Variants in ATP8B4 observed in about 807,000 individuals in gnomAD.
ATP8B4 encodes ATPase phospholipid transporting 8B4 (putative).
A neutral mutation model predicts 145.6 loss-of-function variants in ATP8B4; 133 were observed. The ratio of observed to expected loss-of-function variants is 0.91; its 90% CI spans 0.79 to 1.05. The LOEUF (loss-of-function observed/expected upper bound fraction) is 1.05. Ranked by LOEUF, ATP8B4 falls within the 50% of genes least tolerant of loss-of-function variation. The pLI is 0.00. For synonymous variants in ATP8B4, 507 were observed against 492.9 expected, an observed-to-expected ratio of 1.03 and a Z score of -0.38; for missense variants, 1,458 against 1,425.2, an observed-to-expected ratio of 1.02 and a Z score of -0.37.
chr15:50,002,988 C>G (rs1454489949), intron 7 of ATP8B4, among the ~76,000 whole-genome samples: 1 of 152,032 alleles, frequency 6.6e-6, no homozygotes, highest in Non-Finnish European at 1.5e-5. Flanking sequence ...TTTCAAAGCT[C>G]TAAACTTATT....
chr15:49,925,371 A>T (rs932898158), intron 16 of ATP8B4, among the ~76,000 whole-genome samples: 4 of 151,964 alleles, frequency 2.6e-5, no homozygotes, highest in African/African-American at 9.7e-5. Flanking sequence ...TTCTGTTGTG[A>T]CATCACATGT....
chr15:50,018,554 C>T (rs2049281890), intron 6 of ATP8B4, among the ~76,000 whole-genome samples: 1 of 152,156 alleles, frequency 6.6e-6, no homozygotes, highest in Non-Finnish European at 1.5e-5. Context: ...TTCCCGTCAA[C>T]AATGAAGAAT....
At chr15:49,925,244 C>A (rs1243473074) in intron 16 of ATP8B4, among the ~76,000 whole-genome samples, 3 of 142,888 alleles carry the variant, frequency 2.1e-5, no homozygotes, top group Non-Finnish European at 4.8e-5. Flanking sequence ...TATAAAAAAA[C>A]TATATTTTCC....
Position 49,858,844 on chromosome 15 carries a change from T to A in ATP8B4, c.*1350A>T, listed in dbSNP as rs976789369. 6 of 152,256 alleles carry A rather than the reference T, an allele frequency of 3.9e-5. No homozygotes were observed. Among genetic ancestry groups the A allele is most frequent in the African/African-American group, 1.4e-4 (6 of 41,466 alleles). The allele number at this position is 152,256 out of a possible 1,614,324, so 9.4% of individuals were successfully genotyped here. A position where few individuals can be genotyped will look rare whatever the true frequency, so the allele number is the denominator to read the frequency against. On this transcript the variant is annotated 3_prime_UTR_variant, in exon 28 of 28. Transcript: ENST00000284509. ...TCTTCCAATTGCTCTGTTATACTGATGTTGAGTTAACTGGAACTTAACTCA... is the reference window on the plus strand; with the variant it reads ...TCTTCCAATTGCTCTGTTATACTGAAGTTGAGTTAACTGGAACTTAACTCA...
intron 13 of ATP8B4, among the ~76,000 whole-genome samples, chr15:49,965,037 G>T (rs946337174): frequency 2.6e-5 from 4 of 152,112 alleles, no homozygotes; most frequent in Non-Finnish European, 2.9e-5. Flanking sequence ...TTAAGGAAAG[G>T]TTCTATGTTA....
intron 25 of ATP8B4, among the ~76,000 whole-genome samples, chr15:49,869,854 T>C (rs538881202): frequency 1.3e-5 from 2 of 152,278 alleles, no homozygotes; most frequent in South Asian, 4.1e-4. Context: ...TTAAAGTGTC[T>C]GTCATTTGGA....
rs187997933 is a variant in ATP8B4 at position 50,115,820 on chromosome 15, G to A, written c.-43+3303C>T. Among the ~76,000 whole-genome samples, 10 of 152,258 alleles carry A rather than the reference G, an allele frequency of 6.6e-5. No homozygotes were observed. The East Asian group carries it at 1.3e-3, about 21-fold the overall frequency. ...CAAAACTCTACGAGCAGGAATTACC[G>A]TTATCCCCATTTTATAGATAAGGTG... On this transcript the variant is annotated intron_variant, in intron 1 of 27. Coordinates refer to ENST00000284509, the MANE Select transcript of ATP8B4 (RefSeq NM_024837.4).
At position 49,879,456 on chromosome 15, in the gene ATP8B4, C is replaced by A. The variant is rs780339975; in HGVS notation, c.2701G>T (p.Val901Phe). The A allele has an allele frequency of 1.9e-6, 3 of 1,602,638 alleles. No homozygotes were observed. The East Asian group carries it at 6.7e-5, about 36-fold the overall frequency. The change falls in exon 24 of 28, where the codon GTT becomes TTT. Residue 901 changes from valine (V) to phenylalanine (F), a missense_variant. Transcript: ENST00000284509. ...AGGGTGATGAACCACTGGTCATAAA[C>A]AGTCTGAAAAGAAATATAACATATA... ...GFFCGFSAQTVYDQWFITLFN... is the reference protein window; with the variant it reads ...GFFCGFSAQTFYDQWFITLFN...
intron 15 of ATP8B4, among the ~76,000 whole-genome samples, chr15:49,932,326 T>C (rs1263515734): frequency 1.3e-5 from 2 of 151,886 alleles, no homozygotes; most frequent in Admixed American, 6.6e-5. Flanking sequence ...GTTACCTCTG[T>C]AGGGGTGAGA....
chr15:50,043,558 C>G (rs1223467586), intron 5 of ATP8B4, among the ~76,000 whole-genome samples: 2 of 152,158 alleles, frequency 1.3e-5, no homozygotes, highest in African/African-American at 4.8e-5. Flanking sequence ...AGAATGAAAA[C>G]CTTCATGATG....
intron 6 of ATP8B4, 94 bp from the exon 7 acceptor site, chr15:50,011,011 G>T (rs564485258): frequency 1.2e-6 from 1 of 828,666 alleles, no homozygotes; most frequent in East Asian, 3.3e-5. Flanking sequence ...ATATAACAGA[G>T]GAAGCAGGCA....
chr15:50,042,241 A>T (rs1475160035), intron 5 of ATP8B4, among the ~76,000 whole-genome samples: 3 of 152,192 alleles, frequency 2.0e-5, no homozygotes, highest in Admixed American at 6.5e-5. Flanking sequence ...TTAAGAAATG[A>T]AGAGTTATAT....
intron 8 of ATP8B4, among the ~76,000 whole-genome samples, chr15:49,997,998 C>T (rs914738358): frequency 6.6e-6 from 1 of 152,040 alleles, no homozygotes; most frequent in Admixed American, 6.6e-5. Flanking sequence ...GGCTAAAGGG[C>T]CAACATGTCC....
intron 2 of ATP8B4, among the ~76,000 whole-genome samples, chr15:50,104,542 C>T (rs1283414221): frequency 6.6e-6 from 1 of 152,124 alleles, no homozygotes; most frequent in African/African-American, 2.4e-5. Context: ...TACCACCTCC[C>T]TGCTGCAAGA....
At chr15:50,042,035 G>T (rs950546531) in intron 5 of ATP8B4, among the ~76,000 whole-genome samples, 29 of 151,916 alleles carry the variant, frequency 1.9e-4, no homozygotes, top group African/African-American at 6.5e-4. Context: ...TACACCTGTA[G>T]TCCCAGCTAC....
At chr15:49,978,815 G>GGTGTGTGTGT (rs60135914) in intron 12 of ATP8B4, among the ~76,000 whole-genome samples, 9 of 145,314 alleles carry the variant, frequency 6.2e-5, no homozygotes, top group East Asian at 2.2e-4. Flanking sequence ...AATAAAGAGG[G>GGTGTGTGTGT]GTGTGTGTGT....
At chr15:49,990,841 AT>A (rs557346287) in intron 9 of ATP8B4, among the ~76,000 whole-genome samples, 10 of 152,182 alleles carry the variant, frequency 6.6e-5, no homozygotes, top group Non-Finnish European at 1.5e-4. Flanking sequence ...AAACATCAAT[AT>A]TGCTGTTCAA....
At chr15:49,866,282 T>A in intron 26 of ATP8B4, 64 bp downstream of exon 26, 3 of 1,550,472 alleles carry the variant, frequency 1.9e-6, no homozygotes, top group Non-Finnish European at 2.6e-6. Flanking sequence ...ACACAAAAAA[T>A]AAATTATAAG....
At position 50,072,818 on chromosome 15, in the gene ATP8B4, C is replaced by T. The variant is rs748668090; in HGVS notation, c.87+1309G>A. On this transcript the variant is annotated intron_variant, in intron 3 of 27. Transcript: ENST00000284509. ...TGTATTTTTAATAGAGACAGGGTTT[C>T]ACCATATTGGCCAGGCTGGTCTCGA... 2.7e-5 allele frequency among the ~76,000 whole-genome samples: 4 copies of T among 150,348 alleles called. No homozygotes were observed. The East Asian group carries it at 6.0e-4, about 22-fold the overall frequency.
Sources: gnomAD v4.1 joint callset for allele counts (sites outside exome capture counted in the v4.1 genomes callset) on GRCh38, gnomAD v4.1.1 for gene constraint, MANE v1.5 for transcripts, NCBI Gene and HGNC (gene_info 2026-07-23, HGNC 2026-07-21) for gene names.